Variants in PPP1R42 observed in about 807,000 individuals in gnomAD.
PPP1R42 encodes protein phosphatase 1 regulatory subunit 42.
A neutral mutation model predicts 31.0 loss-of-function variants in PPP1R42; 34 were observed. That is an observed-to-expected ratio of 1.10 (90% confidence interval 0.83 to 1.46). PPP1R42 has a LOEUF of 1.46. Among genes scored for constraint, PPP1R42 ranks in the 40% most tolerant of loss-of-function variants. The pLI, the probability that PPP1R42 is intolerant of heterozygous loss-of-function variation, is 0.00. For missense variants in PPP1R42, 268 were observed against 303.0 expected (o/e 0.88, Z 0.86); for synonymous variants, 103 against 109.8 (o/e 0.94, Z 0.39).
chr8:66,989,218 T>C (rs941092649), intron 5 of PPP1R42, among the ~76,000 whole-genome samples: 4 of 152,174 alleles, frequency 2.6e-5, no homozygotes, highest in Non-Finnish European at 5.9e-5. Flanking sequence ...AGCTAACTGA[T>C]AGTTCAAGGA....
intron 5 of PPP1R42, among the ~76,000 whole-genome samples, chr8:66,996,598 A>T (rs1463780703): frequency 6.6e-6 from 1 of 152,144 alleles, no homozygotes; most frequent in Non-Finnish European, 1.5e-5. Flanking sequence ...TGTTTCCTAG[A>T]TACCATGTCT....
At chr8:67,025,019 T>C (rs1414977748) in intron 1 of PPP1R42, among the ~76,000 whole-genome samples, 2 of 150,760 alleles carry the variant, frequency 1.3e-5, no homozygotes, top group Non-Finnish European at 3.0e-5. Context: ...CTCACTGCAA[T>C]GTCAAATTCC....
At chr8:66,984,706 CT>C (rs113026000) in intron 6 of PPP1R42, 24,162 of 1,596,970 alleles carry the variant, frequency 0.015, 691 homozygotes, top group African/African-American at 0.079. Context: ...CAATTTCTGT[CT>C]TTTTGCCATC....
chr8:66,992,766 A>T (rs1815227573), intron 5 of PPP1R42, among the ~76,000 whole-genome samples: 1 of 150,262 alleles, frequency 6.7e-6, no homozygotes, highest in African/African-American at 2.5e-5. Flanking sequence ...GGCCACATTT[A>T]TGATAATAGT....
intron 3 of PPP1R42, 110 bp downstream of exon 3, chr8:67,014,316 G>T: frequency 7.1e-6 from 4 of 561,278 alleles, no homozygotes; most frequent in South Asian, 4.1e-5. Flanking sequence ...ATTTCATATT[G>T]AATTTACTTT....
chr8:67,001,307 T>C (rs1815480614), intron 5 of PPP1R42, among the ~76,000 whole-genome samples: 1 of 150,784 alleles, frequency 6.6e-6, no homozygotes, highest in Non-Finnish European at 1.5e-5. Context: ...CACCTTGGCC[T>C]CCTAAAGTGC....
intron 7 of PPP1R42, among the ~76,000 whole-genome samples, chr8:66,976,487 G>A (rs1031809160): frequency 2.0e-5 from 3 of 151,966 alleles, no homozygotes; most frequent in African/African-American, 4.8e-5. Flanking sequence ...AGTTTATTCC[G>A]CCTATCTGGT....
At chr8:66,989,028 A>G (rs1414149270) in intron 5 of PPP1R42, among the ~76,000 whole-genome samples, 2 of 152,162 alleles carry the variant, frequency 1.3e-5, no homozygotes, top group Non-Finnish European at 2.9e-5. Flanking sequence ...AATCATTTGT[A>G]TGCTTATCAT....
At chr8:66,966,969 T>G (rs1471979820) in intron 7 of PPP1R42, among the ~76,000 whole-genome samples, 1 of 152,190 alleles carries the variant, frequency 6.6e-6, no homozygotes, top group Non-Finnish European at 1.5e-5. Context: ...CTAGTCTGTT[T>G]TAACTAAAAA....
At chr8:66,969,880 T>C (rs894709991) in intron 7 of PPP1R42, among the ~76,000 whole-genome samples, 1 of 152,202 alleles carries the variant, frequency 6.6e-6, no homozygotes, top group Admixed American at 6.5e-5. Flanking sequence ...AGAGCAATCA[T>C]TGTATTGATT....
intron 5 of PPP1R42, among the ~76,000 whole-genome samples, chr8:66,990,450 TG>T (rs1815158202): frequency 6.6e-6 from 1 of 152,230 alleles, no homozygotes; most frequent in Non-Finnish European, 1.5e-5. Context: ...GGTTGTTCAT[TG>T]CCTTCCTGTC....
intron 5 of PPP1R42, among the ~76,000 whole-genome samples, chr8:67,004,799 C>T (rs1486007472): frequency 1.3e-5 from 2 of 152,102 alleles, no homozygotes; most frequent in Non-Finnish European, 2.9e-5. Flanking sequence ...TCCTGAGCTG[C>T]CTGTTTATTC....
intron 6 of PPP1R42, chr8:66,984,166 G>A (rs561231071): frequency 8.2e-6 from 13 of 1,592,622 alleles, no homozygotes; most frequent in African/African-American, 4.0e-5. Context: ...TTCACTCAGC[G>A]CAAGGTCCCA....
chr8:66,983,772 C>T (rs538120217), intron 6 of PPP1R42, among the ~76,000 whole-genome samples: 12 of 152,052 alleles, frequency 7.9e-5, no homozygotes, highest in Non-Finnish European at 1.5e-4. Context: ...AAACTAGAAC[C>T]ACAGAATCTA....
chr8:66,993,426 C>T (rs1017883319), intron 5 of PPP1R42, among the ~76,000 whole-genome samples: 10 of 152,200 alleles, frequency 6.6e-5, no homozygotes, highest in African/African-American at 1.9e-4. Context: ...CCCATCTACC[C>T]GCTGGCCTCT....
intron 1 of PPP1R42, among the ~76,000 whole-genome samples, chr8:67,026,004 CAAAA>C (rs534627312): frequency 1.2e-5 from 1 of 82,818 alleles, no homozygotes. Context: ...GACTCCGTCT[CAAAA>C]AAAAAAAAAA....
chr8:66,967,536 C>A (rs971768724), intron 7 of PPP1R42, among the ~76,000 whole-genome samples: 1 of 152,166 alleles, frequency 6.6e-6, no homozygotes, highest in East Asian at 1.9e-4. Flanking sequence ...CTTCCCTAAG[C>A]ACATAGATCT....
rs748723926 is a variant in PPP1R42, at chr8:66,988,481, A to C, written c.589T>G (p.Trp197Gly). The change falls in exon 6 of 8, where the codon TGG (tryptophan) becomes GGG (glycine). Residue 197 changes from tryptophan (W) to glycine (G), a missense_variant. Trp to Gly is a radical substitution (Grantham distance 184, BLOSUM62 -2). Transcript: ENST00000685739. The stretch of plus-strand genomic sequence containing the variant: ...GGATTTCCATTTAGATCAATTTTCC[A>C]CAGCTTCATCAACTTGTTCAGTAAA... ...EFLLNKLMKL[W>G]KIDLNGNPVC... 18 of 1,611,884 alleles carry C rather than the reference A, an allele frequency of 1.1e-5. No homozygotes were observed. Among genetic ancestry groups the C allele is most frequent in the Non-Finnish European group, 1.5e-5 (18 of 1,179,062 alleles).
chr8:66,987,406 C>T (rs1815056729), intron 6 of PPP1R42, among the ~76,000 whole-genome samples: 1 of 148,824 alleles, frequency 6.7e-6, no homozygotes, highest in South Asian at 2.1e-4. Flanking sequence ...ATTCTCCTAT[C>T]TCAGCCTCCC....
Sources: allele counts gnomAD v4.1 joint callset (sites outside exome capture counted in the v4.1 genomes callset), GRCh38; gene constraint gnomAD v4.1.1; transcripts MANE v1.5; gene names NCBI Gene and HGNC (gene_info 2026-07-23, HGNC 2026-07-21).